The following SENP6 variants were observed in gnomAD, a reference collection of about 807,000 sequenced individuals.
SENP6 encodes the protein SUMO specific peptidase 6.
A neutral mutation model predicts 134.5 loss-of-function variants in SENP6; 41 were observed. The observed-to-expected ratio is 0.30, with a 90% CI of 0.24 to 0.40. SENP6 has a LOEUF of 0.40. Among genes scored for constraint, SENP6 ranks in the 10% least tolerant of loss-of-function variants. The pLI is 1.00. For synonymous variants in SENP6, 395 were observed against 429.8 expected, an observed-to-expected ratio of 0.92 and a Z score of 1.00; for missense variants, 1,248 against 1,312.5, an observed-to-expected ratio of 0.95 and a Z score of 0.76.
chr6:75,699,030 G>GA (rs565707653), intron 18 of SENP6, among the ~76,000 whole-genome samples: 21 of 148,730 alleles, frequency 1.4e-4, no homozygotes, highest in Non-Finnish European at 1.6e-4. Context: ...AAAAGGAAAA[G>GA]AAAAAAAAAG....
chr6:75,684,919 A>G (rs1207211347), intron 16 of SENP6, among the ~76,000 whole-genome samples: 5 of 152,168 alleles, frequency 3.3e-5, no homozygotes, highest in Non-Finnish European at 7.3e-5. Context: ...TCATAAAATG[A>G]GTTAGGGAGG....
At chr6:75,652,710 G>GA (rs895257089) in intron 7 of SENP6, among the ~76,000 whole-genome samples, 2 of 106,528 alleles carry the variant, frequency 1.9e-5, no homozygotes, top group Admixed American at 8.7e-5. Context: ...AAAAGAAAAA[G>GA]AAAAAAAATG....
In SENP6 at chr6:75,716,115, T is replaced by C. The variant is rs1776008491; in HGVS notation, c.*521T>C. 1 of 152,186 alleles carries C rather than the reference T, an allele frequency of 6.6e-6. No homozygotes were observed. The highest frequency in any genetic ancestry group is 2.4e-5 in the African/African-American group (1 of 41,444). 9.4% of individuals were successfully genotyped at this position (152,186 alleles called of 1,614,324 possible). ...GTGTAACAGGAACAAAGTAACAGCC[T>C]TTCAATTCATATACTGCCTTGTGTT... On this transcript the variant is annotated 3_prime_UTR_variant, in exon 24 of 24. Coordinates refer to ENST00000447266, the MANE Select transcript of SENP6 (RefSeq NM_015571.4).
intron 16 of SENP6, among the ~76,000 whole-genome samples, chr6:75,683,177 C>T (rs997791851): frequency 6.6e-6 from 1 of 152,150 alleles, no homozygotes; most frequent in Non-Finnish European, 1.5e-5. Context: ...AGCATTTTTT[C>T]ATGTGTCTGT....
rs537696482 is a variant in SENP6, at chr6:75,650,339, G to A, written c.550+2538G>A. ...CTGTAAAATTACCGTTTTTCCCTTG[G>A]TGCTTAATAAAGATTTTAGAAGAGA... On this transcript the variant is annotated intron_variant, in intron 7 of 23. Coordinates refer to ENST00000447266, the MANE Select transcript of SENP6 (RefSeq NM_015571.4). Among the ~76,000 whole-genome samples, 5 of 152,212 alleles carry A rather than the reference G, an allele frequency of 3.3e-5. No homozygotes were observed. In the East Asian group the frequency reaches 7.7e-4, roughly 23 times the overall value.
At chr6:75,652,937 G>A (rs1771017153) in intron 7 of SENP6, among the ~76,000 whole-genome samples, 1 of 152,044 alleles carries the variant, frequency 6.6e-6, no homozygotes. Flanking sequence ...ATTTATTTAT[G>A]TGTCCTTTGC....
chr6:75,651,737 T>C (rs1282918772), intron 7 of SENP6, among the ~76,000 whole-genome samples: 1 of 152,226 alleles, frequency 6.6e-6, no homozygotes, highest in Non-Finnish European at 1.5e-5. Flanking sequence ...CATATACTCA[T>C]TTTTAAATTG....
intron 5 of SENP6, among the ~76,000 whole-genome samples, chr6:75,638,090 T>A (rs543178900): frequency 1.3e-5 from 2 of 151,974 alleles, no homozygotes; most frequent in Non-Finnish European, 2.9e-5. Flanking sequence ...TCGAACTCTT[T>A]ACCTCAAATA....
At chr6:75,606,104 A>G (rs1358657952) in intron 1 of SENP6, among the ~76,000 whole-genome samples, 1 of 152,194 alleles carries the variant, frequency 6.6e-6, no homozygotes, top group Non-Finnish European at 1.5e-5. Flanking sequence ...TGAGAAGGAA[A>G]TTAACAACAC....
chr6:75,697,424 G>A lies in SENP6; in HGVS notation c.2196-1G>A, dbSNP rs1392625501. On this transcript the variant is annotated splice_acceptor_variant, in intron 17 of 23. Coordinates refer to ENST00000447266, the MANE Select transcript of SENP6 (RefSeq NM_015571.4). LOFTEE classifies it high-confidence loss of function. ...GCTTATAATTTATCTCTTTCTTACA[G>A]AATACAGCAAAAACGGCATGGGAGA... 6.2e-7 allele frequency: 1 copy of A among 1,603,548 alleles called. No homozygotes were observed. The highest frequency in any genetic ancestry group is 8.5e-7 in the Non-Finnish European group (1 of 1,172,834).
At chr6:75,602,663 G>T (rs1014466404) in intron 1 of SENP6, 87 bp downstream of exon 1, 7 of 1,363,842 alleles carry the variant, frequency 5.1e-6, no homozygotes, top group African/African-American at 1.5e-5. Context: ...AGTTATCTGC[G>T]CTGGGTGGGT....
At position 75,697,025 on chromosome 6, in the gene SENP6, A is replaced by G. The variant is rs963792127; in HGVS notation, c.2196-400A>G. Among the ~76,000 whole-genome samples, 9 of 152,162 alleles carry G rather than the reference A, an allele frequency of 5.9e-5. No individual in the cohort carries two copies. In the South Asian group the frequency reaches 8.3e-4, roughly 14 times the overall value. ...TTGGTTTTGACCAGTGCTCATGGCT[A>G]TATTGCTTCATCTACCATCAGATAA... On this transcript the variant is annotated intron_variant, in intron 17 of 23. Transcript: ENST00000447266.
chr6:75,638,242 G>GT (rs59853416), intron 5 of SENP6, among the ~76,000 whole-genome samples: 44,292 of 142,048 alleles, frequency 0.31, 7,895 homozygotes, highest in Admixed American at 0.48. Context: ...CTTTTCTTTT[G>GT]TTTTTTTTTT....
At chr6:75,667,845 C>G (rs1383153502) in intron 10 of SENP6, among the ~76,000 whole-genome samples, 2 of 151,958 alleles carry the variant, frequency 1.3e-5, no homozygotes, top group Non-Finnish European at 2.9e-5. Context: ...TATGATGCAG[C>G]CATTGAAAAT....
chr6:75,681,297 C>CT (rs1302562854), intron 16 of SENP6, among the ~76,000 whole-genome samples: 1 of 152,124 alleles, frequency 6.6e-6, no homozygotes, highest in South Asian at 2.1e-4. Flanking sequence ...CCTTTGCTCT[C>CT]TGTTACTCCT....
chr6:75,704,504 G>T (rs185517950), intron 19 of SENP6, among the ~76,000 whole-genome samples: 1 of 152,156 alleles, frequency 6.6e-6, no homozygotes, highest in Non-Finnish European at 1.5e-5. Context: ...GCCATAGGGC[G>T]GTTTTTCTCC....
At chr6:75,689,333 A>G (rs1009760634) in intron 16 of SENP6, among the ~76,000 whole-genome samples, 3 of 152,308 alleles carry the variant, frequency 2.0e-5, no homozygotes, top group Middle Eastern at 3.4e-3. Flanking sequence ...GATGCTCAAC[A>G]TCAGTAATCA....
chr6:75,705,925 C>CTTTTTTT (rs71544062), intron 19 of SENP6, among the ~76,000 whole-genome samples: 15 of 47,970 alleles, frequency 3.1e-4, no homozygotes, highest in Non-Finnish European at 4.9e-4. Context: ...ATTTTTGAGC[C>CTTTTTTT]TTTTTTTTTT....
chr6:75,603,933 C>T (rs547001840), intron 1 of SENP6, among the ~76,000 whole-genome samples: 2 of 152,286 alleles, frequency 1.3e-5, no homozygotes, highest in Admixed American at 6.5e-5. Context: ...TTTCGTATTA[C>T]CTCCATTCCA....
Sources: allele counts gnomAD v4.1 joint callset (sites outside exome capture counted in the v4.1 genomes callset), GRCh38; gene constraint gnomAD v4.1.1; transcripts MANE v1.5; gene names NCBI Gene and HGNC (gene_info 2026-07-23, HGNC 2026-07-21).